PGBD1: variants seen among roughly 807,000 people sequenced by gnomAD.
The protein encoded by PGBD1 is piggyBac transposable element-derived protein 1.
A neutral mutation model predicts 34.7 loss-of-function variants in PGBD1; 25 were observed. The observed-to-expected ratio is 0.72, with a 90% CI of 0.52 to 1.00. The LOEUF is 1.00. Among genes scored for constraint, PGBD1 ranks in the 50% least tolerant of loss-of-function variants. PGBD1 has a pLI of 0.00. For synonymous variants in PGBD1, 292 were observed against 335.7 expected, an observed-to-expected ratio of 0.87 and a Z score of 1.42; for missense variants, 830 against 959.4, an observed-to-expected ratio of 0.87 and a Z score of 1.78.
Position 28,300,648 on chromosome 6 carries a change from A to C in PGBD1, c.870-76A>C. On this transcript the variant is annotated intron_variant, in intron 6 of 6. Transcript: ENST00000682144. This position sits in a 1 kb window ranked among gnomAD's most constrained non-coding sequence, Gnocchi z 4.0. ...ACCCACCCCAAGCCCCAAAAGATTTAAGCTTCAGCAGATTTATCATGTGTG... is the reference window on the plus strand; with the variant it reads ...ACCCACCCCAAGCCCCAAAAGATTTCAGCTTCAGCAGATTTATCATGTGTG... 3.6e-6 allele frequency: 5 copies of C among 1,395,470 alleles called. No homozygotes were observed. The highest frequency in any genetic ancestry group is 4.9e-6 in the Non-Finnish European group (5 of 1,027,954). The allele number at this position is 1,395,470 out of a possible 1,614,324, so 86.4% of individuals were successfully genotyped here. A position where few individuals can be genotyped will look rare whatever the true frequency, so the allele number is the denominator to read the frequency against.
intron 4 of PGBD1, among the ~76,000 whole-genome samples, chr6:28,291,576 G>T (rs1762453945): frequency 2.7e-5 from 4 of 149,896 alleles, no homozygotes; most frequent in African/African-American, 9.8e-5. Flanking sequence ...AATTGAAGAG[G>T]AGGGACTACT....
At chr6:28,295,709 A>C (rs566951138) in intron 4 of PGBD1, among the ~76,000 whole-genome samples, 9 of 152,270 alleles carry the variant, frequency 5.9e-5, no homozygotes, top group African/African-American at 9.6e-5. Flanking sequence ...TAGACTACAT[A>C]GTATAGTGTA....
Position 28,281,827 on chromosome 6 carries a change from T to G in PGBD1, c.-130T>G. The G allele has an allele frequency of 6.3e-6, 1 of 159,972 alleles. No individual in the cohort carries two copies. Among genetic ancestry groups the G allele is most frequent in the African/African-American group, 2.4e-5 (1 of 41,944 alleles). The allele number at this position is 159,972 out of a possible 1,614,324, so 9.9% of individuals were successfully genotyped here. A position where few individuals can be genotyped will look rare whatever the true frequency, so the allele number is the denominator to read the frequency against. On this transcript the variant is annotated 5_prime_UTR_variant, in exon 1 of 7. Transcript: ENST00000682144. ...CTGGGTGTAATCTCAGAAAAATACATTCAGGGGCGCGCCTGAGGGTGCTGG... is the reference window on the plus strand; with the variant it reads ...CTGGGTGTAATCTCAGAAAAATACAGTCAGGGGCGCGCCTGAGGGTGCTGG...
intron 5 of PGBD1, 116 bp from the exon 6 acceptor site, chr6:28,297,779 T>G (rs952803819): frequency 3.3e-5 from 21 of 632,398 alleles, no homozygotes; most frequent in Non-Finnish European, 5.6e-5. Flanking sequence ...TGATTTGTTT[T>G]TTGTTTGATT....
At position 28,281,888 on chromosome 6, in the gene PGBD1, A is replaced by C. The variant is rs1762140951; in HGVS notation, c.-69A>C. On this transcript the variant is annotated 5_prime_UTR_variant, in exon 1 of 7. Coordinates refer to ENST00000682144, the MANE Select transcript of PGBD1 (RefSeq NM_032507.4). ...CTCAGGTGCTTTACGTGCATTCGTG[A>C]AGAAGCCCATCAGTATTTCTTGAAT... The C allele has an allele frequency of 6.5e-6, 1 of 153,172 alleles. No homozygotes were observed. Among genetic ancestry groups the C allele is most frequent in the South Asian group, 2.1e-4 (1 of 4,832 alleles). 9.5% of individuals were successfully genotyped at this position (153,172 alleles called of 1,614,324 possible).
In PGBD1 at chr6:28,296,940, C is replaced by T. The variant is rs3800326; in HGVS notation, c.767C>T (p.Pro256Leu). The change falls in exon 5 of 7, where the codon CCG becomes CTG. Residue 256 changes from proline (P) to leucine (L), a missense_variant. Pro to Leu is a moderately conservative substitution (Grantham distance 98). Coordinates refer to ENST00000682144, the MANE Select transcript of PGBD1 (RefSeq NM_032507.4). Reference protein sequence around the residue: ...SAQETVMSLSPMTEEIVTKDR... With the variant: ...SAQETVMSLSLMTEEIVTKDR... ...CAGGAGACAGTTATGAGCCTCAGTC[C>T]GATGAGTAAGGCCAGGCCTCTGGCT... 49,697 of 1,613,704 alleles carry T rather than the reference C, an allele frequency of 0.031. 1,308 individuals are homozygous for T. The highest frequency in any genetic ancestry group is 0.097 in the South Asian group (8,809 of 91,060).
In PGBD1 at chr6:28,301,718, T is replaced by TA; in HGVS notation, c.1865dup (p.Tyr622Ter). ...TCTTTTAGAGAGAGGTCAGTATCCC[T>TA]ATCACCTGTGTTTTGATAGCTTCTT... ...DVLLERGQYP[Y>*]HLCFDSFFTS... The change falls in exon 7 of 7, where the codon TAT (tyrosine) becomes TAAT (stop). Residue 622 changes from tyrosine (Y) to a stop codon, truncating the protein, a stop_gained and frameshift_variant. Transcript: ENST00000682144. LOFTEE classifies it low-confidence loss of function (END_TRUNC). 6.2e-7 allele frequency: 1 copy of TA among 1,614,192 alleles called. No homozygotes were observed. The highest frequency in any genetic ancestry group is 8.5e-7 in the Non-Finnish European group (1 of 1,180,026).
At chr6:28,284,762 C>G (rs1762237989) in intron 2 of PGBD1, among the ~76,000 whole-genome samples, 1 of 152,188 alleles carries the variant, frequency 6.6e-6, no homozygotes, top group Admixed American at 6.5e-5. Flanking sequence ...CTCAAGTGAT[C>G]ATGCTGCCTT....
chr6:28,302,428 A>G lies in PGBD1; in HGVS notation c.*144A>G. On this transcript the variant is annotated 3_prime_UTR_variant, in exon 7 of 7. Transcript: ENST00000682144. ...TTTTAAAAATCAGACATTTATATAG[A>G]GTTTCAAAGACTATTGTAACAAGTA... The G allele has an allele frequency of 1.2e-6, 1 of 854,370 alleles. No homozygotes were observed. The allele number at this position is 854,370 out of a possible 1,614,324, so 52.9% of individuals were successfully genotyped here.
chr6:28,288,229 G>A (rs1302706505), intron 4 of PGBD1, among the ~76,000 whole-genome samples: 1 of 152,180 alleles, frequency 6.6e-6, no homozygotes, highest in Non-Finnish European at 1.5e-5. Context: ...CCCTCCAAAA[G>A]ATATATGAAA....
At chr6:28,293,914 G>C (rs1359970970) in intron 4 of PGBD1, among the ~76,000 whole-genome samples, 1 of 152,178 alleles carries the variant, frequency 6.6e-6, no homozygotes, top group African/African-American at 2.4e-5. Context: ...GTGAAAGGAA[G>C]AGTCACATGC....
At position 28,300,829 on chromosome 6, in the gene PGBD1, C is replaced by G. The variant is rs769610649; in HGVS notation, c.975C>G (p.Arg325=). 39 of 1,613,984 alleles carry G rather than the reference C, an allele frequency of 2.4e-5. No individual in the cohort carries two copies. The highest frequency in any genetic ancestry group is 3.3e-5 in the Non-Finnish European group (39 of 1,180,028). Residue 325 remains arginine (R), a synonymous_variant, in exon 7 of 7, where the codon CGC becomes CGG. Coordinates refer to ENST00000682144, the MANE Select transcript of PGBD1 (RefSeq NM_032507.4). This position sits in a 1 kb window ranked among gnomAD's most constrained non-coding sequence, Gnocchi z 4.0. ...KDRHPGDLWA[R]MHISSLEYAA... is the part of the protein sequence containing the mutation. ...GTCACCCAGGTGATTTGTGGGCCCG[C>G]ATGCACATCTCATCCCTGGAATATG...
At chr6:28,294,826 T>C (rs1762578869) in intron 4 of PGBD1, among the ~76,000 whole-genome samples, 1 of 152,360 alleles carries the variant, frequency 6.6e-6, no homozygotes, top group South Asian at 2.1e-4. Context: ...AGGAAATTAA[T>C]GTTTTCAAGC....
chr6:28,287,174 T>G lies in PGBD1; in HGVS notation c.642+6T>G. ...TTAACCCAGTCAGGTCCCAGGTAAG[T>G]AGGATGCCCAAGCTTGTAGGAATAT... On this transcript the variant is annotated splice_donor_region_variant and intron_variant, in intron 4 of 6. Transcript: ENST00000682144. The G allele has an allele frequency of 6.2e-7, 1 of 1,603,362 alleles. No homozygotes were observed. Among genetic ancestry groups the G allele is most frequent in the South Asian group, 1.1e-5 (1 of 90,882 alleles).
intron 4 of PGBD1, among the ~76,000 whole-genome samples, chr6:28,291,217 C>A (rs1762441750): frequency 7.1e-6 from 1 of 139,922 alleles, no homozygotes; most frequent in Non-Finnish European, 1.6e-5. Flanking sequence ...GCTGGACAAA[C>A]AAAAAAGGAG....
At chr6:28,299,064 T>C (rs1762742205) in intron 6 of PGBD1, among the ~76,000 whole-genome samples, 1 of 152,132 alleles carries the variant, frequency 6.6e-6, no homozygotes, top group Admixed American at 6.5e-5. Flanking sequence ...AAATTTTGCA[T>C]TAAGATTAGT....
chr6:28,285,798 A>G, intron 3 of PGBD1, 91 bp downstream of exon 3: 7 of 1,326,220 alleles, frequency 5.3e-6, no homozygotes, highest in Non-Finnish European at 7.2e-6. Context: ...ATACATTGTG[A>G]AATGATTACC....
chr6:28,298,737 A>C (rs1762733183), intron 6 of PGBD1, among the ~76,000 whole-genome samples: 1 of 152,082 alleles, frequency 6.6e-6, no homozygotes, highest in Non-Finnish European at 1.5e-5. Flanking sequence ...TGAACTTGTA[A>C]CAGATACTCC....
intron 2 of PGBD1, 102 bp downstream of exon 2, chr6:28,284,311 T>C: frequency 3.1e-6 from 4 of 1,293,480 alleles, no homozygotes; most frequent in Non-Finnish European, 3.1e-6. Flanking sequence ...TTTATAGAAG[T>C]ATTAGAAGAA....
Sources: gnomAD v4.1 joint callset for allele counts (sites outside exome capture counted in the v4.1 genomes callset) on GRCh38, gnomAD v4.1.1 for gene constraint, Gnocchi (gnomAD v3.1) non-coding constraint, MANE v1.5 for transcripts, NCBI Gene and HGNC (gene_info 2026-07-23, HGNC 2026-07-21) for gene names.